The following DCT variants were observed in gnomAD, a reference collection of about 807,000 sequenced individuals.
DCT encodes the protein dopachrome tautomerase.
A neutral mutation model predicts 53.0 loss-of-function variants in DCT; 47 were observed. The ratio of observed to expected loss-of-function variants is 0.89; its 90% CI spans 0.70 to 1.13. DCT has a LOEUF of 1.13. Among genes scored for constraint, DCT ranks in the 50% most tolerant of loss-of-function variants. The pLI, the probability that DCT is intolerant of heterozygous loss-of-function variation, is 0.00. For synonymous variants in DCT, 244 were observed against 237.0 expected, an observed-to-expected ratio of 1.03 and a Z score of -0.27; for missense variants, 669 against 637.4, an observed-to-expected ratio of 1.05 and a Z score of -0.53.
chr13:94,444,981 G>C (rs1882625496), intron 6 of DCT, among the ~76,000 whole-genome samples: 1 of 152,234 alleles, frequency 6.6e-6, no homozygotes, highest in Non-Finnish European at 1.5e-5. Flanking sequence ...TGATGACAGT[G>C]TCATGCAGAC....
At chr13:94,463,542 G>A (rs1037538033) in intron 4 of DCT, among the ~76,000 whole-genome samples, 3 of 151,958 alleles carry the variant, frequency 2.0e-5, no homozygotes, top group African/African-American at 4.8e-5. Flanking sequence ...CACCTGTCTC[G>A]GCCTCCCAAA....
chr13:94,509,419 C>A, the DCT span, among the ~76,000 whole-genome samples: 1 of 151,576 alleles, frequency 6.6e-6, no homozygotes, highest in African/African-American at 2.4e-5. Flanking sequence ...CACACCATCA[C>A]CCCCTCCCCA....
chr13:94,461,722 A>G (rs1205697410), intron 5 of DCT, among the ~76,000 whole-genome samples: 2 of 152,216 alleles, frequency 1.3e-5, no homozygotes, highest in Non-Finnish European at 2.9e-5. Flanking sequence ...TATTTAATGA[A>G]GTACCCTGTT....
intron 1 of DCT, among the ~76,000 whole-genome samples, chr13:94,473,161 T>C (rs1048594512): frequency 1.3e-5 from 2 of 152,222 alleles, no homozygotes; most frequent in Admixed American, 6.5e-5. Context: ...ATGGTTCAAC[T>C]TAAAATTTTT....
At position 94,472,560 on chromosome 13, in the gene DCT, A is replaced by T. The variant is rs1566855372; in HGVS notation, c.296-3515T>A. Among the ~76,000 whole-genome samples the T allele has an allele frequency of 4.9e-4, 10 of 20,264 alleles. 1 individual carries two copies. Among genetic ancestry groups the T allele is most frequent in the African/African-American group, 8.3e-4 (3 of 3,616 alleles). 13.3% of individuals were successfully genotyped at this position (20,264 alleles called of 152,430 possible). A position where few individuals can be genotyped will look rare whatever the true frequency, so the allele number is the denominator to read the frequency against. ...TATATATATATATATATATATATAT[A>T]TATATATATTTTTTTTTTTTTTTTT... On this transcript the variant is annotated intron_variant, in intron 1 of 7. Coordinates refer to ENST00000377028, the MANE Select transcript of DCT (RefSeq NM_001922.5).
the DCT span, among the ~76,000 whole-genome samples, chr13:94,496,484 G>A: frequency 1.8e-4 from 27 of 152,144 alleles, no homozygotes; most frequent in East Asian, 4.4e-3. Flanking sequence ...ATGAGCCACC[G>A]CACCCGGCCG....
intron 2 of DCT, chr13:94,468,475 G>T: frequency 2.9e-6 from 1 of 339,746 alleles, no homozygotes; most frequent in East Asian, 5.0e-5. Flanking sequence ...CATCTTTGAT[G>T]ATTAACAGCT....
chr13:94,458,724 C>T (rs768918488), intron 6 of DCT, among the ~76,000 whole-genome samples: 6 of 151,958 alleles, frequency 3.9e-5, no homozygotes, highest in African/African-American at 9.7e-5. Flanking sequence ...ATCACTTGAA[C>T]CCAGGAGGCA....
At chr13:94,544,733 C>T in the DCT span, among the ~76,000 whole-genome samples, 1 of 151,326 alleles carries the variant, frequency 6.6e-6, no homozygotes, top group Non-Finnish European at 1.5e-5. Context: ...TGGCCAAGGA[C>T]TCAACATCAA....
the DCT span, among the ~76,000 whole-genome samples, chr13:94,541,280 G>T: frequency 6.6e-6 from 1 of 152,142 alleles, no homozygotes; most frequent in African/African-American, 2.4e-5. Context: ...GCGGCAGGTG[G>T]ATCACCTGAA....
chr13:94,487,331 T>G, the DCT span, among the ~76,000 whole-genome samples: 1 of 152,252 alleles, frequency 6.6e-6, no homozygotes, highest in Admixed American at 6.5e-5. Flanking sequence ...TTTTTACAGC[T>G]GAGGCAAGAC....
At chr13:94,462,245 C>G (rs554133160) in intron 4 of DCT, 56 bp from the exon 5 acceptor site, 2 of 1,353,216 alleles carry the variant, frequency 1.5e-6, no homozygotes, top group Admixed American at 1.7e-5. Context: ...CAGTGGCTCA[C>G]GTCTGTAATC....
intron 5 of DCT, 95 bp downstream of exon 5, chr13:94,461,915 A>C: frequency 9.3e-7 from 1 of 1,072,928 alleles, no homozygotes; most frequent in Non-Finnish European, 1.3e-6. Context: ...TTCGTAGACA[A>C]CCCCCAAAAC....
chr13:94,459,995 CAG>C, intron 6 of DCT, 94 bp downstream of exon 6: 1 of 1,289,628 alleles, frequency 7.8e-7, no homozygotes, highest in Non-Finnish European at 1.1e-6. Context: ...ATTGTTCACA[CAG>C]AGAATAAAAC....
chr13:94,441,269 TC>T (rs1157400991), intron 7 of DCT, among the ~76,000 whole-genome samples: 1 of 152,236 alleles, frequency 6.6e-6, no homozygotes, highest in Non-Finnish European at 1.5e-5. Context: ...TTCTGCCATT[TC>T]TTTGTTCAAG....
At chr13:94,542,965 C>T in the DCT span, among the ~76,000 whole-genome samples, 1 of 152,134 alleles carries the variant, frequency 6.6e-6, no homozygotes, top group Non-Finnish European at 1.5e-5. Flanking sequence ...AGGACGTTTT[C>T]ATACATTAGC....
intron 6 of DCT, among the ~76,000 whole-genome samples, chr13:94,449,271 C>A (rs1431843447): frequency 6.6e-6 from 1 of 152,082 alleles, no homozygotes; most frequent in Non-Finnish European, 1.5e-5. Context: ...TTTTCAAGAT[C>A]ATTGGAGGAT....
chr13:94,507,083 C>A, the DCT span, among the ~76,000 whole-genome samples: 1 of 151,960 alleles, frequency 6.6e-6, no homozygotes, highest in African/African-American at 2.4e-5. Flanking sequence ...CTGCACAGAC[C>A]AAGGAGAATA....
At chr13:94,445,887 G>T (rs1320571066) in intron 6 of DCT, 2 of 648,870 alleles carry the variant, frequency 3.1e-6, no homozygotes, top group Non-Finnish European at 5.4e-6. Context: ...GAAACTGTGG[G>T]GGGGCGGGGT....
Sources: gnomAD v4.1 joint callset for allele counts (sites outside exome capture counted in the v4.1 genomes callset) on GRCh38, gnomAD v4.1.1 for gene constraint, MANE v1.5 for transcripts, NCBI Gene and HGNC (gene_info 2026-07-23, HGNC 2026-07-21) for gene names.